Variants in LRRC7 observed in about 807,000 individuals in gnomAD.
LRRC7 encodes the protein leucine rich repeat containing 7.
Under a neutral mutation model 175.7 loss-of-function variants are expected in LRRC7, and 23 were observed. The observed-to-expected ratio is 0.13, with a 90% CI of 0.09 to 0.19. The LOEUF (loss-of-function observed/expected upper bound fraction) is 0.19, where lower values mean the gene tolerates loss of function less well. Among genes scored for constraint, LRRC7 ranks in the 10% least tolerant of loss-of-function variants. The probability of loss-of-function intolerance (pLI) is 1.00; values close to 1 mark genes in which losing one functional copy is unlikely to be tolerated. For synonymous variants in LRRC7, 685 were observed against 680.9 expected, an observed-to-expected ratio of 1.01 and a Z score of -0.09; for missense variants, 1,354 against 1,904.7, an observed-to-expected ratio of 0.71 and a Z score of 5.38.
intron 7 of LRRC7, among the ~76,000 whole-genome samples, chr1:69,844,000 C>T (rs1025117652): frequency 5.9e-5 from 9 of 151,944 alleles, no homozygotes; most frequent in African/African-American, 2.2e-4. Context: ...GTATTTTGAT[C>T]GTGTAGAATG....
chr1:69,725,003 AAATAT>A (rs1278858995), intron 2 of LRRC7, among the ~76,000 whole-genome samples: 4 of 152,134 alleles, frequency 2.6e-5, no homozygotes, highest in Non-Finnish European at 5.9e-5. Context: ...TCACAAAACC[AAATAT>A]AACTTTTGAC....
chr1:70,002,956 A>G (rs1655667994), intron 11 of LRRC7, among the ~76,000 whole-genome samples: 1 of 152,202 alleles, frequency 6.6e-6, no homozygotes, highest in African/African-American at 2.4e-5. Context: ...TAATAGTACA[A>G]TGTCTTAGTC....
intron 9 of LRRC7, among the ~76,000 whole-genome samples, chr1:69,983,843 C>G (rs1332325927): frequency 6.6e-6 from 1 of 152,116 alleles, no homozygotes; most frequent in Non-Finnish European, 1.5e-5. Flanking sequence ...CCAAGGAATC[C>G]AACATGTGAC....
At chr1:70,075,697 A>G (rs1010653268) in intron 23 of LRRC7, among the ~76,000 whole-genome samples, 10 of 152,226 alleles carry the variant, frequency 6.6e-5, no homozygotes, top group Non-Finnish European at 2.9e-5. Flanking sequence ...GGTGTTACAT[A>G]TATTAACATC....
chr1:69,710,617 GA>G (rs1664646978), intron 2 of LRRC7, among the ~76,000 whole-genome samples: 1 of 152,128 alleles, frequency 6.6e-6, no homozygotes, highest in Non-Finnish European at 1.5e-5. Context: ...TTTGTTTCCT[GA>G]AATTTAATTA....
At chr1:69,641,605 A>G (rs1248531545) in intron 1 of LRRC7, among the ~76,000 whole-genome samples, 1 of 151,706 alleles carries the variant, frequency 6.6e-6, no homozygotes, top group Non-Finnish European at 1.5e-5. Flanking sequence ...AGCTAGCATT[A>G]TCTCAATTTT....
intron 2 of LRRC7, among the ~76,000 whole-genome samples, chr1:69,711,474 C>A (rs1570456349): frequency 1.3e-5 from 2 of 152,258 alleles, no homozygotes; most frequent in East Asian, 3.9e-4. Context: ...CATTTCAAAT[C>A]CCCTGAATTT....
At chr1:69,944,547 A>G (rs1649098796) in intron 8 of LRRC7, among the ~76,000 whole-genome samples, 1 of 152,072 alleles carries the variant, frequency 6.6e-6, no homozygotes, top group Admixed American at 6.6e-5. Flanking sequence ...TGGATCATAT[A>G]GTAGTTTTAT....
In LRRC7 at chr1:70,016,256, A is replaced by AT. The variant is rs554322842; in HGVS notation, c.1251-203dup. Among the ~76,000 whole-genome samples, 417 of 152,224 alleles carry AT rather than the reference A, an allele frequency of 2.7e-3. 2 individuals carry two copies. Among genetic ancestry groups the AT allele is most frequent in the Middle Eastern group, 0.014 (4 of 294 alleles). On this transcript the variant is annotated intron_variant, in intron 13 of 26. Transcript: ENST00000651989. ...TAAGCTCTAACCATACATGTTAAAC[A>AT]TTTTTTATTTTTATTCAGATATAAT... is the stretch of plus-strand genomic sequence containing the variant.
chr1:69,943,016 A>G (rs973647330), intron 8 of LRRC7, among the ~76,000 whole-genome samples: 4 of 152,134 alleles, frequency 2.6e-5, no homozygotes, highest in African/African-American at 9.6e-5. Flanking sequence ...TAGTGTTAGT[A>G]TATTTTTATA....
At chr1:69,629,984 C>T (rs186891963) in intron 1 of LRRC7, among the ~76,000 whole-genome samples, 107 of 152,192 alleles carry the variant, frequency 7.0e-4, no homozygotes, top group African/African-American at 2.4e-3. Flanking sequence ...AATTTCTTGT[C>T]ACCAAATATA....
intron 7 of LRRC7, among the ~76,000 whole-genome samples, chr1:69,905,161 A>G (rs1164653770): frequency 6.6e-6 from 1 of 152,098 alleles, no homozygotes; most frequent in African/African-American, 2.4e-5. Context: ...ACACATGCAT[A>G]TGCCTTTATG....
intron 21 of LRRC7, 93 bp from the exon 22 acceptor site, chr1:70,043,861 G>A: frequency 7.0e-7 from 1 of 1,438,214 alleles, no homozygotes; most frequent in Non-Finnish European, 9.4e-7. Flanking sequence ...CCTGCCTAAA[G>A]TTAAATGTTA....
chr1:70,065,860 A>T (rs886420501), intron 23 of LRRC7, among the ~76,000 whole-genome samples: 4 of 152,008 alleles, frequency 2.6e-5, no homozygotes, highest in Non-Finnish European at 4.4e-5. Flanking sequence ...TACTGCTTGC[A>T]TACAAATAAC....
chr1:69,900,527 T>C (rs1570567744), intron 7 of LRRC7, among the ~76,000 whole-genome samples: 1 of 152,196 alleles, frequency 6.6e-6, no homozygotes, highest in Non-Finnish European at 1.5e-5. Context: ...ATTGTTTTCT[T>C]ATTTTTGATC....
intron 18 of LRRC7, among the ~76,000 whole-genome samples, chr1:70,035,258 A>G (rs2102015360): frequency 6.6e-6 from 1 of 152,296 alleles, no homozygotes; most frequent in Admixed American, 6.5e-5. Flanking sequence ...GCATTTTTAT[A>G]TCTAGAAGAA....
chr1:70,013,206 A>G (rs1272286143), intron 13 of LRRC7, 117 bp downstream of exon 13: 1 of 471,870 alleles, frequency 2.1e-6, no homozygotes, highest in Non-Finnish European at 3.8e-6. Flanking sequence ...GAATGCAAAT[A>G]CTGATACTTT....
At chr1:69,967,905 C>T (rs1651821395) in intron 8 of LRRC7, among the ~76,000 whole-genome samples, 1 of 151,908 alleles carries the variant, frequency 6.6e-6, no homozygotes, top group African/African-American at 2.4e-5. Flanking sequence ...TTTTAACACC[C>T]CCAAAAAATC....
At chr1:69,978,308 A>AGGAGG (rs1653045923) in intron 8 of LRRC7, among the ~76,000 whole-genome samples, 1 of 63,636 alleles carries the variant, frequency 1.6e-5, no homozygotes, top group African/African-American at 6.0e-5. Flanking sequence ...GGGAGGGAAG[A>AGGAGG]GGAGGGGAGG....
Sources: allele counts gnomAD v4.1 joint callset (sites outside exome capture counted in the v4.1 genomes callset), GRCh38; gene constraint gnomAD v4.1.1; transcripts MANE v1.5; gene names NCBI Gene and HGNC (gene_info 2026-07-23, HGNC 2026-07-21).